HEMK2: variants seen among roughly 807,000 people sequenced by gnomAD.
The protein encoded by HEMK2 is methyltransferase HEMK2.
chr21:28,644,477 T>C, the HEMK2 span, among the ~76,000 whole-genome samples: 1 of 152,122 alleles, frequency 6.6e-6, no homozygotes, highest in Non-Finnish European at 1.5e-5. Context: ...CAAAGAAATA[T>C]GGAAAATGTG....
At chr21:28,691,608 T>G in the HEMK2 span, among the ~76,000 whole-genome samples, 6 of 152,194 alleles carry the variant, frequency 3.9e-5, 1 homozygote, top group East Asian at 7.7e-4. Flanking sequence ...AAAGTTCTGG[T>G]TGCCTCAGTG....
At chr21:28,811,646 C>T in the HEMK2 span, among the ~76,000 whole-genome samples, 1 of 152,156 alleles carries the variant, frequency 6.6e-6, no homozygotes, top group South Asian at 2.1e-4. Context: ...TCATCCTCCC[C>T]TACCCTTTGA....
the HEMK2 span, among the ~76,000 whole-genome samples, chr21:28,822,760 C>T: frequency 1.3e-5 from 2 of 152,086 alleles, no homozygotes; most frequent in African/African-American, 4.8e-5. Flanking sequence ...AAGCTCTGTG[C>T]CATAATGACT....
the HEMK2 span, among the ~76,000 whole-genome samples, chr21:28,580,700 T>C: frequency 6.6e-6 from 1 of 152,148 alleles, no homozygotes; most frequent in African/African-American, 2.4e-5. Flanking sequence ...GCCTCCTCCA[T>C]GAAACTCCCT....
chr21:28,597,180 A>C, the HEMK2 span, among the ~76,000 whole-genome samples: 1 of 152,258 alleles, frequency 6.6e-6, no homozygotes, highest in Non-Finnish European at 1.5e-5. Flanking sequence ...TGGCAAAAGC[A>C]CCACAGAAAA....
At chr21:28,601,817 G>GAAT in the HEMK2 span, among the ~76,000 whole-genome samples, 5 of 152,140 alleles carry the variant, frequency 3.3e-5, no homozygotes, top group Admixed American at 1.3e-4. Context: ...ATGAATGAAT[G>GAAT]GATGTCTGAA....
the HEMK2 span, among the ~76,000 whole-genome samples, chr21:28,598,019 G>A: frequency 1.3e-5 from 2 of 152,122 alleles, no homozygotes; most frequent in Non-Finnish European, 2.9e-5. Flanking sequence ...CTGAGGAAGG[G>A]AAAAGAAAGA....
At chr21:28,664,044 T>C in the HEMK2 span, among the ~76,000 whole-genome samples, 1 of 152,240 alleles carries the variant, frequency 6.6e-6, no homozygotes, top group Admixed American at 6.5e-5. Context: ...TTTACAGCTC[T>C]ATTACAAAAC....
At chr21:28,845,899 T>G in the HEMK2 span, among the ~76,000 whole-genome samples, 1 of 152,114 alleles carries the variant, frequency 6.6e-6, no homozygotes, top group Non-Finnish European at 1.5e-5. Flanking sequence ...GTCACCCAGA[T>G]AGTCAGCATA....
chr21:28,823,563 A>G, the HEMK2 span, among the ~76,000 whole-genome samples: 2 of 152,182 alleles, frequency 1.3e-5, no homozygotes, highest in Non-Finnish European at 2.9e-5. Flanking sequence ...GTTACAACCT[A>G]ATCCGCAATG....
the HEMK2 span, among the ~76,000 whole-genome samples, chr21:28,764,476 G>GA: frequency 3.3e-5 from 5 of 151,544 alleles, no homozygotes; most frequent in Non-Finnish European, 7.4e-5. Flanking sequence ...ATAGGAGACA[G>GA]AAAAAAAAGC....
the HEMK2 span, among the ~76,000 whole-genome samples, chr21:28,849,652 C>T: frequency 1.3e-5 from 2 of 152,050 alleles, no homozygotes; most frequent in Admixed American, 6.5e-5. Context: ...AGGTAAAACA[C>T]GAAATCGCCA....
chr21:28,827,726 T>C, the HEMK2 span, among the ~76,000 whole-genome samples: 8 of 152,266 alleles, frequency 5.3e-5, no homozygotes. Flanking sequence ...AATGTCTATA[T>C]TGATTATTTG....
the HEMK2 span, among the ~76,000 whole-genome samples, chr21:28,841,212 TTATATATATTATATATTATATATATTTA>T: frequency 7.0e-5 from 1 of 14,236 alleles, no homozygotes; most frequent in Non-Finnish European, 9.7e-5. Context: ...ATATAATATA[TTATATATATTATATATTATATATATTTA>T]TATATATAAT....
At chr21:28,877,052 G>GAAGGAGGA in the HEMK2 span, among the ~76,000 whole-genome samples, 1 of 42,686 alleles carries the variant, frequency 2.3e-5, no homozygotes, top group Non-Finnish European at 5.2e-5. Context: ...GGGAGGGAGG[G>GAAGGAGGA]AGGGAGGGAA....
At chr21:28,614,788 A>G in the HEMK2 span, among the ~76,000 whole-genome samples, 3 of 152,240 alleles carry the variant, frequency 2.0e-5, no homozygotes, top group Non-Finnish European at 4.4e-5. Context: ...CATATGGCAC[A>G]GGCTCACCTA....
At chr21:28,834,726 G>A in the HEMK2 span, among the ~76,000 whole-genome samples, 4 of 152,148 alleles carry the variant, frequency 2.6e-5, 1 homozygote, top group Non-Finnish European at 4.4e-5. Flanking sequence ...CTTTTGTAGC[G>A]TGGAGGTGGG....
the HEMK2 span, among the ~76,000 whole-genome samples, chr21:28,742,547 G>A: frequency 3.9e-5 from 6 of 152,150 alleles, no homozygotes; most frequent in East Asian, 1.2e-3. Context: ...TCAAGGGGAG[G>A]TTACTGACTA....
chr21:28,662,093 G>A, the HEMK2 span, among the ~76,000 whole-genome samples: 1 of 152,102 alleles, frequency 6.6e-6, no homozygotes, highest in East Asian at 1.9e-4. Context: ...TAGAGCTGAG[G>A]GAAGGAAATA....
Sources: gnomAD v4.1 joint callset for allele counts (sites outside exome capture counted in the v4.1 genomes callset) on GRCh38, gnomAD v4.1.1 for gene constraint, MANE v1.5 for transcripts, NCBI Gene and HGNC (gene_info 2026-07-23, HGNC 2026-07-21) for gene names.